The following NDUFAF1 variants were observed in gnomAD, a reference collection of about 807,000 sequenced individuals.
The protein encoded by NDUFAF1 is NADH:ubiquinone oxidoreductase complex assembly factor 1, also known as complex I intermediate-associated protein 30, mitochondrial.
A neutral mutation model predicts 28.7 loss-of-function variants in NDUFAF1; 18 were observed. The observed-to-expected ratio is 0.63, with a 90% CI of 0.43 to 0.93. NDUFAF1 has a LOEUF of 0.93. NDUFAF1 is among the 40% of genes least tolerant of loss of function. The pLI is 0.00. For synonymous variants in NDUFAF1, 113 were observed against 139.7 expected, an observed-to-expected ratio of 0.81 and a Z score of 1.35; for missense variants, 404 against 398.3, an observed-to-expected ratio of 1.01 and a Z score of -0.12.
At chr15:41,388,384 TCCCC>T in intron 4 of NDUFAF1, 60 bp downstream of exon 4, 1 of 1,245,108 alleles carries the variant, frequency 8.0e-7, no homozygotes, top group Middle Eastern at 1.9e-4. Context: ...GAACTCAGTC[TCCCC>T]AGAGTTCCGA....
At position 41,396,842 on chromosome 15, in the gene NDUFAF1, G is replaced by A; in HGVS notation, c.218C>T (p.Ser73Phe). The part of the protein sequence containing the change: ...HQKEVALDIT[S>F]SEEKPDVSFD... ...ACTAACATCAGGCTTCTCCTCAGAA[G>A]AAGTTATATCCAAAGCAACTTCTTT... The change falls in exon 2 of 5, where the codon TCT becomes TTT. Residue 73 changes from serine (S) to phenylalanine (F), a missense_variant. Ser to Phe is a radical substitution (Grantham distance 155). Coordinates refer to ENST00000260361, the MANE Select transcript of NDUFAF1 (RefSeq NM_016013.4). The A allele has an allele frequency of 1.2e-6, 2 of 1,614,114 alleles. No homozygotes were observed. The highest frequency in any genetic ancestry group is 2.2e-5 in the South Asian group (2 of 91,078).
chr15:41,390,853 A>C (rs2050307929), intron 3 of NDUFAF1, among the ~76,000 whole-genome samples: 1 of 152,048 alleles, frequency 6.6e-6, no homozygotes, highest in Non-Finnish European at 1.5e-5. Flanking sequence ...TAACACGGTG[A>C]AACCCTGTCT....
At chr15:41,394,355 T>A in intron 3 of NDUFAF1, 1 of 1,288,442 alleles carries the variant, frequency 7.8e-7, no homozygotes. Flanking sequence ...TTTAGCAGAG[T>A]TGCCTGGAAG....
chr15:41,391,597 G>C (rs923825801), intron 3 of NDUFAF1, among the ~76,000 whole-genome samples: 2 of 142,676 alleles, frequency 1.4e-5, no homozygotes, highest in Non-Finnish European at 1.5e-5. Flanking sequence ...GTAAGAGTGA[G>C]ACTCCATCTT....
At chr15:41,390,537 A>G (rs1452387304) in intron 3 of NDUFAF1, among the ~76,000 whole-genome samples, 1 of 151,790 alleles carries the variant, frequency 6.6e-6, no homozygotes, top group African/African-American at 2.4e-5. Context: ...CATTCTGGCT[A>G]ACACGGCGAA....
At chr15:41,397,175 T>C in intron 1 of NDUFAF1, 35 bp from the exon 2 acceptor site, 1 of 755,990 alleles carries the variant, frequency 1.3e-6, no homozygotes, top group Non-Finnish European at 2.2e-6. Flanking sequence ...ATTATCAGCA[T>C]AGCAATGAAT....
At chr15:41,389,416 T>G (rs2050292139) in intron 3 of NDUFAF1, among the ~76,000 whole-genome samples, 1 of 151,988 alleles carries the variant, frequency 6.6e-6, no homozygotes, top group Non-Finnish European at 1.5e-5. Flanking sequence ...ATTCCTAAAT[T>G]TTAAAAACAC....
intron 3 of NDUFAF1, among the ~76,000 whole-genome samples, chr15:41,391,025 T>C (rs945925865): frequency 6.6e-6 from 1 of 151,918 alleles, no homozygotes; most frequent in African/African-American, 2.4e-5. Context: ...CGAGACTCTG[T>C]CTTACAAAAA....
rs752089043 is a variant in NDUFAF1, at chr15:41,396,864, C to A, written c.196G>T (p.Glu66Ter). Residue 66 changes from glutamate to a stop codon, truncating the protein, a stop_gained, in exon 2 of 5, where the codon GAA becomes TAA. Coordinates refer to ENST00000260361, the MANE Select transcript of NDUFAF1 (RefSeq NM_016013.4). LOFTEE classifies it high-confidence loss of function. ...GAAGAAGTTATATCCAAAGCAACTT[C>A]TTTCTGGTGATCTCCTTGCAAATCC... ...EGDLQGDHQK[E>*]VALDITSSEE... 2.5e-6 allele frequency: 4 copies of A among 1,614,066 alleles called. No individual in the cohort carries two copies. In the South Asian group the frequency reaches 4.4e-5, roughly 18 times the overall value.
chr15:41,402,957 C>G (rs1390414721), upstream of NDUFAF1, among the ~76,000 whole-genome samples: 2 of 152,022 alleles, frequency 1.3e-5, no homozygotes, highest in Middle Eastern at 3.4e-3. Flanking sequence ...ATCTCGATCT[C>G]CTGACCTCGT....
chr15:41,390,002 C>G (rs1230511711), intron 3 of NDUFAF1, among the ~76,000 whole-genome samples: 1 of 151,960 alleles, frequency 6.6e-6, no homozygotes, highest in Non-Finnish European at 1.5e-5. Context: ...CTCTGTCACC[C>G]AGGCTGAAGT....
At chr15:41,390,206 A>G (rs1395570519) in intron 3 of NDUFAF1, among the ~76,000 whole-genome samples, 3 of 152,026 alleles carry the variant, frequency 2.0e-5, no homozygotes, top group Non-Finnish European at 2.9e-5. Flanking sequence ...CAAATGATTC[A>G]CTGCCTTAGC....
intron 2 of NDUFAF1, among the ~76,000 whole-genome samples, chr15:41,395,498 T>C (rs1405473302): frequency 1.3e-5 from 2 of 150,628 alleles, no homozygotes; most frequent in Admixed American, 6.7e-5. Context: ...GCCTCCCGAA[T>C]AGCTGGTACT....
Position 41,396,907 on chromosome 15 carries a change from TGAG to T in NDUFAF1, c.150_152del (p.Ser51del), listed in dbSNP as rs754706556. The T allele has an allele frequency of 6.2e-7, 1 of 1,614,088 alleles. No individual in the cohort carries two copies. Among genetic ancestry groups the T allele is most frequent in the Admixed American group, 1.7e-5 (1 of 59,990 alleles). On this transcript the variant is annotated inframe_deletion, in exon 2 of 5. Transcript: ENST00000260361. Reference sequence around the variant, plus strand: ...GCAAATCCCCTTCAGTCTTCCTCTGTGAGGAGGCTTTGCCAGGAGAAGCCACTG... The same window carrying T: ...GCAAATCCCCTTCAGTCTTCCTCTGTGAGGCTTTGCCAGGAGAAGCCACTG...
Position 41,387,516 on chromosome 15 carries a change from A to T in NDUFAF1, c.912T>A (p.Phe304Leu). Residue 304 changes from phenylalanine (F) to leucine (L), a missense_variant, in exon 5 of 5, where the codon TTT becomes TTA. By Grantham distance (22) the Phe-to-Leu change is conservative. Transcript: ENST00000260361. ...FFLEIDFIGV[F>L]TDPAHTEEFA... ...ATTCTTCTGTATGAGCTGGATCAGT[A>T]AACACGCCAATAAAATCTATCTCCA... is the stretch of plus-strand genomic sequence containing the variant. 6.2e-7 allele frequency: 1 copy of T among 1,613,312 alleles called. No individual in the cohort carries two copies. The highest frequency in any genetic ancestry group is 8.5e-7 in the Non-Finnish European group (1 of 1,179,234).
intron 4 of NDUFAF1, 36 bp from the exon 5 acceptor site, chr15:41,387,629 T>C (rs532408620): frequency 1.3e-6 from 2 of 1,512,364 alleles, no homozygotes; most frequent in Admixed American, 1.7e-5. Context: ...TAAAATCTCA[T>C]ACAGTGACGT....
intron 2 of NDUFAF1, among the ~76,000 whole-genome samples, chr15:41,395,419 G>C (rs979587872): frequency 6.6e-6 from 1 of 150,742 alleles, no homozygotes; most frequent in Non-Finnish European, 1.5e-5. Flanking sequence ...ACCCAGGCTG[G>C]AGTGCAGTGG....
intron 3 of NDUFAF1, among the ~76,000 whole-genome samples, chr15:41,389,339 A>G (rs532335661): frequency 6.6e-6 from 1 of 150,822 alleles, no homozygotes; most frequent in South Asian, 2.1e-4. Context: ...TAATCTGCCA[A>G]CCTTGGCCTA....
At position 41,387,418 on chromosome 15, in the gene NDUFAF1, A is replaced by C. The variant is rs761094364; in HGVS notation, c.*26T>G. 3 of 1,606,106 alleles carry C rather than the reference A, an allele frequency of 1.9e-6. No individual in the cohort carries two copies. The highest frequency in any genetic ancestry group is 1.3e-5 in the African/African-American group (1 of 74,902). Reference sequence around the variant, plus strand: ...TTGTAGATGCTAGTACCCTTAGATTAGTAAAACAAAACTACCATATGATCT... The same window carrying C: ...TTGTAGATGCTAGTACCCTTAGATTCGTAAAACAAAACTACCATATGATCT... On this transcript the variant is annotated 3_prime_UTR_variant, in exon 5 of 5. Coordinates refer to ENST00000260361, the MANE Select transcript of NDUFAF1 (RefSeq NM_016013.4).
Sources: gnomAD v4.1 joint callset for allele counts (sites outside exome capture counted in the v4.1 genomes callset) on GRCh38, gnomAD v4.1.1 for gene constraint, MANE v1.5 for transcripts, NCBI Gene and HGNC (gene_info 2026-07-23, HGNC 2026-07-21) for gene names.